The following ARHGAP24 variants were observed in gnomAD, a reference collection of about 807,000 sequenced individuals.
ARHGAP24 encodes rho GTPase-activating protein 24.
In ARHGAP24, 50 loss-of-function variants were observed where a neutral mutation model predicts 76.4. The ratio of observed to expected loss-of-function variants is 0.65; its 90% CI spans 0.52 to 0.83. ARHGAP24 has a LOEUF of 0.83. Among genes scored for constraint, ARHGAP24 ranks in the 40% least tolerant of loss-of-function variants. ARHGAP24 has a pLI of 0.00. For missense variants in ARHGAP24, 930 were observed against 914.2 expected (o/e 1.02, Z -0.22); for synonymous variants, 345 against 323.3 (o/e 1.07, Z -0.72).
rs373752338 is a variant in ARHGAP24 at position 85,600,680 on chromosome 4, T to C, written c.180+29959T>C. 6.0e-4 allele frequency among the ~76,000 whole-genome samples: 91 copies of C among 152,364 alleles called. 1 individual carries two copies. The highest frequency in any genetic ancestry group is 6.8e-3 in the Middle Eastern group (2 of 294). ...TAATCCAGGAATTTCTGTGCTAAGCTACTCACTTGAAGAACTTGTGCTGCT... is the reference window on the plus strand; with the variant it reads ...TAATCCAGGAATTTCTGTGCTAAGCCACTCACTTGAAGAACTTGTGCTGCT... On this transcript the variant is annotated intron_variant, in intron 2 of 9. Transcript: ENST00000395184.
chr4:85,597,319 A>C (rs540899475), intron 2 of ARHGAP24, among the ~76,000 whole-genome samples: 2 of 152,160 alleles, frequency 1.3e-5, no homozygotes, highest in Admixed American at 1.3e-4. Flanking sequence ...ATCAAATATC[A>C]CCCACACCTT....
intron 3 of ARHGAP24, among the ~76,000 whole-genome samples, chr4:85,763,040 A>G (rs1487808067): frequency 6.6e-6 from 1 of 152,122 alleles, no homozygotes; most frequent in Non-Finnish European, 1.5e-5. Flanking sequence ...TAAAAGCACC[A>G]TTTTACCATT....
chr4:85,985,835 A>T (rs927032960), intron 8 of ARHGAP24, among the ~76,000 whole-genome samples: 12 of 152,334 alleles, frequency 7.9e-5, no homozygotes, highest in African/African-American at 2.9e-4. Context: ...TCTAAAGCTG[A>T]AGTAACCCCT....
rs118044994 is a variant in ARHGAP24 at position 85,529,228 on chromosome 4, T to A, written c.-20-41294T>A. On this transcript the variant is annotated intron_variant, in intron 1 of 9. Coordinates refer to ENST00000395184, the MANE Select transcript of ARHGAP24 (RefSeq NM_001025616.3). The stretch of plus-strand genomic sequence containing the variant: ...TCTATGACTATTCTAGGCTCACCAG[T>A]CATAAATCAAATTATAGCTTTTGAC... 8.8e-4 allele frequency among the ~76,000 whole-genome samples: 134 copies of A among 152,142 alleles called. 2 individuals carry two copies. The East Asian group carries it at 0.023, about 27-fold the overall frequency.
At chr4:85,639,570 A>G (rs971740569) in intron 2 of ARHGAP24, among the ~76,000 whole-genome samples, 1 of 152,042 alleles carries the variant, frequency 6.6e-6, no homozygotes, top group Non-Finnish European at 1.5e-5. Flanking sequence ...TGTCCTTTGA[A>G]TCAATGAAGA....
intron 2 of ARHGAP24, among the ~76,000 whole-genome samples, chr4:85,639,480 T>G (rs1020643880): frequency 1.2e-4 from 19 of 152,122 alleles, no homozygotes; most frequent in Admixed American, 1.3e-4. Flanking sequence ...CCCTGTCCAG[T>G]GTTCGGTAAG....
intron 2 of ARHGAP24, among the ~76,000 whole-genome samples, chr4:85,717,306 A>G (rs897549912): frequency 6.6e-6 from 1 of 152,080 alleles, no homozygotes; most frequent in Admixed American, 6.6e-5. Flanking sequence ...ATATATAATA[A>G]TGCATCTGTA....
At chr4:85,744,343 C>T (rs1268148856) in intron 3 of ARHGAP24, among the ~76,000 whole-genome samples, 8 of 152,072 alleles carry the variant, frequency 5.3e-5, no homozygotes, top group African/African-American at 1.9e-4. Context: ...ATTTTGAATC[C>T]CATAATCCCT....
At chr4:85,631,583 G>A (rs1338346076) in intron 2 of ARHGAP24, among the ~76,000 whole-genome samples, 5 of 151,916 alleles carry the variant, frequency 3.3e-5, no homozygotes, top group East Asian at 1.9e-4. Context: ...TTATACAACC[G>A]TAATCCCCAC....
intron 3 of ARHGAP24, among the ~76,000 whole-genome samples, chr4:85,787,286 A>G (rs891315345): frequency 2.0e-5 from 3 of 152,144 alleles, no homozygotes; most frequent in Non-Finnish European, 2.9e-5. Context: ...ATTTGCTCAG[A>G]TTTCATAATA....
intron 3 of ARHGAP24, among the ~76,000 whole-genome samples, chr4:85,767,107 T>C (rs1048635813): frequency 4.6e-5 from 7 of 152,140 alleles, no homozygotes; most frequent in Admixed American, 3.3e-4. Flanking sequence ...ACTATCTAAG[T>C]TTGTATAAAT....
At chr4:85,832,237 A>G (rs1170398819) in intron 3 of ARHGAP24, among the ~76,000 whole-genome samples, 1 of 152,048 alleles carries the variant, frequency 6.6e-6, no homozygotes, top group African/African-American at 2.4e-5. Flanking sequence ...CGGTGGTCTC[A>G]GTGGTGTAGG....
intron 3 of ARHGAP24, among the ~76,000 whole-genome samples, chr4:85,742,624 C>A (rs1273961560): frequency 1.3e-5 from 2 of 152,148 alleles, no homozygotes; most frequent in African/African-American, 4.8e-5. Flanking sequence ...AAAATCGGTT[C>A]TTTGATTAAA....
chr4:85,821,421 T>C (rs1364334749), intron 3 of ARHGAP24, among the ~76,000 whole-genome samples: 1 of 152,228 alleles, frequency 6.6e-6, no homozygotes, highest in Non-Finnish European at 1.5e-5. Flanking sequence ...TTTCCCAGGC[T>C]GGGGTGCAGT....
At chr4:85,863,435 A>G (rs1481208928) in intron 3 of ARHGAP24, among the ~76,000 whole-genome samples, 3 of 152,094 alleles carry the variant, frequency 2.0e-5, no homozygotes, top group African/African-American at 2.4e-5. Flanking sequence ...TAAAAAAATC[A>G]TGTCATGAAC....
intron 5 of ARHGAP24, among the ~76,000 whole-genome samples, chr4:85,947,323 G>A (rs904927603): frequency 2.6e-5 from 4 of 152,114 alleles, no homozygotes; most frequent in African/African-American, 4.8e-5. Context: ...CTGTGTAGAA[G>A]TTCTCTAGTT....
chr4:85,718,052 A>G (rs1051970681), intron 2 of ARHGAP24, among the ~76,000 whole-genome samples: 1 of 152,154 alleles, frequency 6.6e-6, no homozygotes, highest in African/African-American at 2.4e-5. Context: ...ACAAACAAGC[A>G]GTGCATACTT....
chr4:85,557,525 C>T (rs1473657800), intron 1 of ARHGAP24, among the ~76,000 whole-genome samples: 1 of 152,172 alleles, frequency 6.6e-6, no homozygotes, highest in Non-Finnish European at 1.5e-5. Context: ...AGTGTGGTGA[C>T]TCCCCTGGCT....
intron 2 of ARHGAP24, among the ~76,000 whole-genome samples, chr4:85,657,265 T>A (rs1201960846): frequency 6.6e-6 from 1 of 152,194 alleles, no homozygotes; most frequent in African/African-American, 2.4e-5. Flanking sequence ...TAGAATTGTG[T>A]TTTAATAATG....
Sources: allele counts gnomAD v4.1 joint callset (sites outside exome capture counted in the v4.1 genomes callset), GRCh38; gene constraint gnomAD v4.1.1; transcripts MANE v1.5; gene names NCBI Gene and HGNC (gene_info 2026-07-23, HGNC 2026-07-21).